The following SEPTIN3 variants were observed in gnomAD, a reference collection of about 807,000 sequenced individuals.
The protein encoded by SEPTIN3 is neuronal-specific septin-3.
In SEPTIN3, 15 loss-of-function variants were observed where a neutral mutation model predicts 45.1. The observed-to-expected ratio is 0.33, with a 90% CI of 0.22 to 0.51. The LOEUF (loss-of-function observed/expected upper bound fraction) is 0.51. Ranked by LOEUF, SEPTIN3 falls within the 20% of genes least tolerant of loss-of-function variation. The pLI is 0.97. For synonymous variants in SEPTIN3, 148 were observed against 164.8 expected (o/e 0.90, Z 0.78); for missense variants, 289 against 457.2 (o/e 0.63, Z 3.35).
chr22:41,972,288 G>A lies in SEPTIN3; in HGVS notation c.796G>A (p.Ala266Thr). 2.5e-6 allele frequency: 1 copy of A among 399,172 alleles called. No individual in the cohort carries two copies. Among genetic ancestry groups the A allele is most frequent in the Non-Finnish European group, 4.4e-6 (1 of 226,140 alleles). The allele number at this position is 399,172 out of a possible 1,614,324, so 24.7% of individuals were successfully genotyped here. A position where few individuals can be genotyped will look rare whatever the true frequency, so the allele number is the denominator to read the frequency against. The change falls in exon 2 of 12, where the codon GCC (alanine) becomes ACC (threonine). Residue 266 changes from alanine to threonine, a missense_variant. Ala to Thr is a moderately conservative substitution (Grantham distance 58). This residue lies in a region of SEPTIN3 where 200 missense variants were observed against 315.1 expected (regional missense o/e 0.63). Transcript: ENST00000644076. Reference protein sequence around the residue: ...LTAMDTRTDAARHLATMATNR... With the variant: ...LTAMDTRTDATRHLATMATNR... ...TGCTATGGACACAAGGACAGACGCAGCCAGACATTTAGCCACAATGGCCAC... is the reference window on the plus strand; with the variant it reads ...TGCTATGGACACAAGGACAGACGCAACCAGACATTTAGCCACAATGGCCAC...
intron 3 of SEPTIN3, among the ~76,000 whole-genome samples, chr22:41,982,503 C>T (rs62241000): frequency 0.29 from 43,446 of 151,492 alleles, 6,665 homozygotes; most frequent in Admixed American, 0.35. Context: ...AGTGAAACTC[C>T]GCCTCAAAAC....
chr22:41,994,502 C>T lies in SEPTIN3; in HGVS notation c.2412-119C>T, dbSNP rs375995269. The T allele has an allele frequency of 1.0e-5, 16 of 1,548,644 alleles. No homozygotes were observed. Among genetic ancestry groups the T allele is most frequent in the African/African-American group, 6.8e-5 (5 of 73,374 alleles). On this transcript the variant is annotated intron_variant, in intron 10 of 11. Coordinates refer to ENST00000644076, the MANE Select transcript of SEPTIN3 (RefSeq NM_001363845.2). This position sits in a 1 kb window ranked among gnomAD's most constrained non-coding sequence, Gnocchi z 4.2. ...AAAATGGAAGGTGCTGTAGAAGAATCCTTAGCTCCTGGGAGTGGTTCCCAT... is the reference window on the plus strand; with the variant it reads ...AAAATGGAAGGTGCTGTAGAAGAATTCTTAGCTCCTGGGAGTGGTTCCCAT...
chr22:41,986,171 G>A lies in SEPTIN3; in HGVS notation c.1825+59G>A, dbSNP rs189330145. On this transcript the variant is annotated intron_variant, in intron 4 of 11. Coordinates refer to ENST00000644076, the MANE Select transcript of SEPTIN3 (RefSeq NM_001363845.2). ...TTCAGTGAGTGCCTCTGCTGGAAAG[G>A]GGAAAGAATGGGGCTTATTGAAGAA... 7.6e-6 allele frequency: 12 copies of A among 1,587,012 alleles called. No individual in the cohort carries two copies. In the East Asian group the frequency reaches 2.3e-4, roughly 30 times the overall value.
At chr22:41,980,410 A>G (rs1385731658) in intron 2 of SEPTIN3, among the ~76,000 whole-genome samples, 1 of 152,124 alleles carries the variant, frequency 6.6e-6, no homozygotes, top group Non-Finnish European at 1.5e-5. Flanking sequence ...TGCTGGGATT[A>G]CAGGCGTGAG....
intron 11 of SEPTIN3, chr22:41,995,078 T>C: frequency 1.8e-6 from 2 of 1,122,520 alleles, no homozygotes; most frequent in Non-Finnish European, 2.2e-6. Flanking sequence ...TTTGCCTCAC[T>C]CAGGAGATCT....
At chr22:41,983,534 C>T (rs1008600394) in intron 3 of SEPTIN3, among the ~76,000 whole-genome samples, 2 of 152,206 alleles carry the variant, frequency 1.3e-5, no homozygotes, top group African/African-American at 4.8e-5. Context: ...GTAGACTGTC[C>T]TGATTGTACC....
At chr22:41,989,286 A>C (rs2078261882) in intron 6 of SEPTIN3, among the ~76,000 whole-genome samples, 1 of 152,188 alleles carries the variant, frequency 6.6e-6, no homozygotes, top group African/African-American at 2.4e-5. Flanking sequence ...AGGAGAAAGA[A>C]ATCCCTGAGT....
intron 6 of SEPTIN3, 36 bp downstream of exon 6, chr22:41,987,795 T>A (rs1390860988): frequency 6.3e-7 from 1 of 1,591,564 alleles, no homozygotes; most frequent in Non-Finnish European, 8.6e-7. Context: ...TCAGGCCTGG[T>A]CTGGTTTGTA....
Position 41,987,202 on chromosome 22 carries a change from C to T in SEPTIN3, c.1826-4C>T, listed in dbSNP as rs1341351198. 4.3e-6 allele frequency: 7 copies of T among 1,611,912 alleles called. No individual in the cohort carries two copies. The highest frequency in any genetic ancestry group is 5.9e-6 in the Non-Finnish European group (7 of 1,178,898). On this transcript the variant is annotated splice_polypyrimidine_tract_variant and splice_region_variant and intron_variant, in intron 4 of 11. Transcript: ENST00000644076. ...TCTCTGGTACATTTTCTTTTCACCC[C>T]CAGTGATAGAGGAAGGCGGTGTCAA...
intron 2 of SEPTIN3, among the ~76,000 whole-genome samples, chr22:41,977,610 A>G (rs1012675044): frequency 6.6e-6 from 1 of 150,826 alleles, no homozygotes; most frequent in African/African-American, 2.4e-5. Flanking sequence ...CTAGGGCTGG[A>G]ACTGGGGTGG....
chr22:41,995,438 T>C, intron 11 of SEPTIN3: 1 of 985,576 alleles, frequency 1.0e-6, no homozygotes, highest in Non-Finnish European at 1.2e-6. Context: ...ACTGCTGCTC[T>C]CCACTCAACT....
intron 6 of SEPTIN3, 49 bp from the exon 7 acceptor site, chr22:41,989,508 GGTGGCTGAGT>G: frequency 9.2e-7 from 1 of 1,089,974 alleles, no homozygotes; most frequent in South Asian, 1.3e-5. Context: ...GAGTGGTGGT[GGTGGCTGAGT>G]TGGGGAGGGC....
intron 7 of SEPTIN3, among the ~76,000 whole-genome samples, chr22:41,990,607 G>C (rs1343781061): frequency 6.6e-6 from 1 of 151,246 alleles, no homozygotes; most frequent in African/African-American, 2.4e-5. Context: ...TTAGCCGGGT[G>C]TGGTGGCGGG....
Position 41,987,442 on chromosome 22 carries a change from C to G in SEPTIN3, c.1907+155C>G, listed in dbSNP as rs149561418. ...GGGCCCCTGGGGAGCTCCACCCCTG[C>G]TAACTAACCATCCAGGAAAGCCATC... On this transcript the variant is annotated intron_variant, in intron 5 of 11. Coordinates refer to ENST00000644076, the MANE Select transcript of SEPTIN3 (RefSeq NM_001363845.2). Among the ~76,000 whole-genome samples the G allele has an allele frequency of 2.4e-4, 37 of 152,324 alleles. No individual in the cohort carries two copies. The East Asian group carries it at 5.4e-3, about 22-fold the overall frequency.
chr22:41,973,395 G>A lies in SEPTIN3; in HGVS notation c.1504+399G>A, dbSNP rs957947469. Among the ~76,000 whole-genome samples the A allele has an allele frequency of 2.0e-5, 3 of 151,110 alleles. No individual in the cohort carries two copies. The South Asian group carries it at 6.3e-4, about 32-fold the overall frequency. On this transcript the variant is annotated intron_variant, in intron 2 of 11. Transcript: ENST00000644076. ...TAAGGGGCTGGGCACGGTGGCTCAC[G>A]CCTGTAATCCCAGCACTTTGGGATC...
At position 41,976,875 on chromosome 22, in the gene SEPTIN3, G is replaced by A. The variant is rs1321926895; in HGVS notation, c.1504+3879G>A. 5.8e-6 allele frequency: 1 copy of A among 172,126 alleles called. No individual in the cohort carries two copies. The highest frequency in any genetic ancestry group is 2.4e-5 in the African/African-American group (1 of 41,458). The allele number at this position is 172,126 out of a possible 1,614,324, so 10.7% of individuals were successfully genotyped here. A position where few individuals can be genotyped will look rare whatever the true frequency, so the allele number is the denominator to read the frequency against. ...CCGAGCGAGCCGAGGCGAGGTCCCG[G>A]GGAGGGCGCGGCGGCGCGGGGCGCA... On this transcript the variant is annotated intron_variant, in intron 2 of 11. Transcript: ENST00000644076. The surrounding 1 kb of genome is among the most constrained non-coding windows in gnomAD (Gnocchi z 5.8).
Position 41,981,738 on chromosome 22 carries a change from A to G in SEPTIN3, c.1598A>G (p.Asn533Ser), listed in dbSNP as rs764705368. The G allele has an allele frequency of 4.3e-6, 7 of 1,613,872 alleles. No homozygotes were observed. The South Asian group carries it at 7.7e-5, about 18-fold the overall frequency. The change falls in exon 3 of 12, where the codon AAC becomes AGC. Residue 533 changes from asparagine to serine, a missense_variant. Asn to Ser is a conservative substitution (Grantham distance 46). Around this residue, in one of 3 missense-constraint regions of SEPTIN3, gnomAD observed 200 missense variants for 315.1 expected, o/e 0.63. Transcript: ENST00000644076. ...GTGCCCATGAAGCCCATGAGCATCA[A>G]CTCCAACCTGCTGGGCTACATCGGC... Reference protein sequence around the residue: ...PAVPMKPMSINSNLLGYIGID... With the variant: ...PAVPMKPMSISSNLLGYIGID...
rs189629305 is a variant in SEPTIN3, at chr22:41,978,414, A to T, written c.1505-3231A>T. On this transcript the variant is annotated intron_variant, in intron 2 of 11. Coordinates refer to ENST00000644076, the MANE Select transcript of SEPTIN3 (RefSeq NM_001363845.2). ...AGATAATTTACATTCTTCATTCTGT[A>T]TAACCTTCATAGAAACCCAGCAAGG... is the stretch of plus-strand genomic sequence containing the variant. 1.5e-3 allele frequency among the ~76,000 whole-genome samples: 227 copies of T among 152,324 alleles called. 1 individual carries two copies. The highest frequency in any genetic ancestry group is 3.5e-4 in the Non-Finnish European group (24 of 68,026).
intron 2 of SEPTIN3, among the ~76,000 whole-genome samples, chr22:41,974,860 GAAAAAAAA>G (rs55642127): frequency 1.3e-5 from 1 of 74,288 alleles, no homozygotes; most frequent in Non-Finnish European, 2.6e-5. Context: ...GTCTCAAAAA[GAAAAAAAA>G]AAAAAAAAAA....
Sources: gnomAD v4.1 joint callset for allele counts (sites outside exome capture counted in the v4.1 genomes callset) on GRCh38, gnomAD v4.1.1 for gene constraint, gnomAD v4.1.1 regional missense constraint, Gnocchi (gnomAD v3.1) non-coding constraint, MANE v1.5 for transcripts, NCBI Gene and HGNC (gene_info 2026-07-23, HGNC 2026-07-21) for gene names.